Variants in THSD7A observed in about 807,000 individuals in gnomAD.
The protein encoded by THSD7A is thrombospondin type 1 domain containing 7A.
THSD7A carries 96 observed loss-of-function variants against 231.3 expected under a neutral mutation model. The observed-to-expected ratio is 0.41, with a 90% CI of 0.35 to 0.49. The LOEUF is 0.49. Ranked by LOEUF, THSD7A falls within the 20% of genes least tolerant of loss-of-function variation. THSD7A has a pLI of 0.05. For synonymous variants in THSD7A, 940 were observed against 743.3 expected (o/e 1.26, Z -4.30); for missense variants, 2,290 against 2,070.2 (o/e 1.11, Z -2.06).
intron 6 of THSD7A, among the ~76,000 whole-genome samples, chr7:11,492,770 AT>A (rs1786950186): frequency 1.3e-5 from 2 of 152,112 alleles, no homozygotes; most frequent in Non-Finnish European, 2.9e-5. Context: ...AGAATTAATC[AT>A]CACCATTAAA....
chr7:11,623,203 A>G (rs1411130306), intron 2 of THSD7A, among the ~76,000 whole-genome samples: 1 of 152,200 alleles, frequency 6.6e-6, no homozygotes, highest in Non-Finnish European at 1.5e-5. Flanking sequence ...ATAAATATAC[A>G]GAAACAGATG....
At chr7:11,485,042 C>A (rs1411092213) in intron 6 of THSD7A, among the ~76,000 whole-genome samples, 1 of 151,680 alleles carries the variant, frequency 6.6e-6, no homozygotes, top group African/African-American at 2.4e-5. Flanking sequence ...AGGCATGCAC[C>A]ACCATGCCCG....
intron 1 of THSD7A, among the ~76,000 whole-genome samples, chr7:11,701,186 G>T (rs1276605695): frequency 6.6e-6 from 1 of 151,138 alleles, no homozygotes; most frequent in Non-Finnish European, 1.5e-5. Context: ...ACAAGTGTGT[G>T]TGTGTGTGTT....
rs10233233 is a variant in THSD7A, at chr7:11,578,164, G to A, written c.1453+12296C>T. On this transcript the variant is annotated intron_variant, in intron 4 of 27. Transcript: ENST00000423059. ...TTATTGCATGCTAAGGATTTGGAGC[G>A]AAACTGTTATTTAAAAAATTCCCTT... is the stretch of plus-strand genomic sequence containing the variant. Among the ~76,000 whole-genome samples, 187 of 152,204 alleles carry A rather than the reference G, an allele frequency of 1.2e-3. 1 individual carries two copies. Among genetic ancestry groups the A allele is most frequent in the Middle Eastern group, 6.8e-3 (2 of 294 alleles).
chr7:11,699,777 G>T (rs1252793524), intron 1 of THSD7A, among the ~76,000 whole-genome samples: 2 of 151,182 alleles, frequency 1.3e-5, no homozygotes, highest in East Asian at 3.9e-4. Flanking sequence ...CATAACTGAA[G>T]TGTGACAGCT....
At chr7:11,756,060 T>A (rs1263252215) in intron 1 of THSD7A, among the ~76,000 whole-genome samples, 1 of 152,058 alleles carries the variant, frequency 6.6e-6, no homozygotes, top group Non-Finnish European at 1.5e-5. Flanking sequence ...AGCAACATTA[T>A]CATTGCATCT....
intron 1 of THSD7A, among the ~76,000 whole-genome samples, chr7:11,752,789 G>C (rs1451345973): frequency 6.6e-6 from 1 of 151,868 alleles, no homozygotes; most frequent in Non-Finnish European, 1.5e-5. Context: ...AGCCAGGTGT[G>C]GTGGCATATG....
intron 2 of THSD7A, among the ~76,000 whole-genome samples, chr7:11,599,114 T>C (rs1011427476): frequency 6.6e-6 from 1 of 152,106 alleles, no homozygotes; most frequent in African/African-American, 2.4e-5. Flanking sequence ...TTAAGGTCAA[T>C]AGGAAGGAAA....
intron 4 of THSD7A, among the ~76,000 whole-genome samples, chr7:11,584,505 G>C (rs183137369): frequency 6.6e-6 from 1 of 151,682 alleles, no homozygotes; most frequent in Non-Finnish European, 1.5e-5. Context: ...CTGTTTTTTC[G>C]TGTAAGCTAG....
At chr7:11,390,106 T>G (rs545059464) in intron 23 of THSD7A, among the ~76,000 whole-genome samples, 1 of 152,320 alleles carries the variant, frequency 6.6e-6, no homozygotes, top group East Asian at 1.9e-4. Context: ...GTTGCTCTTC[T>G]CAAGGAGTAT....
chr7:11,596,131 C>G (rs1780350312), intron 2 of THSD7A, among the ~76,000 whole-genome samples: 1 of 152,226 alleles, frequency 6.6e-6, no homozygotes, highest in South Asian at 2.1e-4. Flanking sequence ...GAAAGGGAGG[C>G]TGGGTCCCCT....
intron 2 of THSD7A, among the ~76,000 whole-genome samples, chr7:11,606,723 T>G (rs1432659177): frequency 6.6e-6 from 1 of 152,128 alleles, no homozygotes; most frequent in Non-Finnish European, 1.5e-5. Context: ...TTCCCCAATA[T>G]TTGTAATGTG....
chr7:11,550,358 C>T (rs529202701), intron 4 of THSD7A, among the ~76,000 whole-genome samples: 1 of 152,194 alleles, frequency 6.6e-6, no homozygotes, highest in African/African-American at 2.4e-5. Flanking sequence ...AATGGAAAAA[C>T]ATTCTATGCT....
Position 11,589,155 on chromosome 7 carries a change from C to CT in THSD7A, c.1453+1304dup, listed in dbSNP as rs1034224221. ...TCATATTCCTTCCCAAAATATTCTC[C>CT]TTTTTTGGTATTTCATCTGGTGGTA... On this transcript the variant is annotated intron_variant, in intron 4 of 27. Coordinates refer to ENST00000423059, the MANE Select transcript of THSD7A (RefSeq NM_015204.3). Among the ~76,000 whole-genome samples, 13 of 152,190 alleles carry CT rather than the reference C, an allele frequency of 8.5e-5. 1 individual carries two copies. The highest frequency in any genetic ancestry group is 5.9e-4 in the Admixed American group (9 of 15,278).
Position 11,375,848 on chromosome 7 carries a change from T to C in THSD7A, c.4920A>G (p.Gln1640=). 1 of 1,612,882 alleles carries C rather than the reference T, an allele frequency of 6.2e-7. No individual in the cohort carries two copies. The highest frequency in any genetic ancestry group is 8.5e-7 in the Non-Finnish European group (1 of 1,179,096). ...AGGTTAAAGGTTTCAGTCGGTTGTT[T>C]TGCCTTCTTTGGGGTTTCTTTGGCT... The part of the protein sequence containing the change: ...CKKPKKPQRR[Q]NNRLKPLTLA... Residue 1640 remains glutamine, a synonymous_variant, in exon 28 of 28, where the codon CAA becomes CAG. Coordinates refer to ENST00000423059, the MANE Select transcript of THSD7A (RefSeq NM_015204.3).
chr7:11,830,734 G>T (rs552091347), intron 1 of THSD7A, among the ~76,000 whole-genome samples: 9 of 152,168 alleles, frequency 5.9e-5, no homozygotes, highest in Non-Finnish European at 1.3e-4. Context: ...TTCAGTAGTG[G>T]TGCAGAGATG....
At chr7:11,562,209 A>AT in intron 4 of THSD7A, among the ~76,000 whole-genome samples, 1 of 152,326 alleles carries the variant, frequency 6.6e-6, no homozygotes. Context: ...AAGCTAAATC[A>AT]TTTTTGTTCT....
At chr7:11,708,911 A>T (rs1014401636) in intron 1 of THSD7A, among the ~76,000 whole-genome samples, 3 of 150,822 alleles carry the variant, frequency 2.0e-5, no homozygotes, top group African/African-American at 7.3e-5. Context: ...AAGGCATATC[A>T]ACATAGGAAA....
intron 23 of THSD7A, among the ~76,000 whole-genome samples, chr7:11,388,222 G>A (rs1348614577): frequency 1.3e-5 from 2 of 152,044 alleles, no homozygotes; most frequent in Admixed American, 6.6e-5. Flanking sequence ...ATGAGGTAGG[G>A]AGGATTCCCT....
Sources: gnomAD v4.1 joint callset for allele counts (sites outside exome capture counted in the v4.1 genomes callset) on GRCh38, gnomAD v4.1.1 for gene constraint, MANE v1.5 for transcripts, NCBI Gene and HGNC (gene_info 2026-07-23, HGNC 2026-07-21) for gene names.